The following ZNF490 variants were observed in gnomAD, a reference collection of about 807,000 sequenced individuals.
The protein encoded by ZNF490 is zinc finger protein 490.
In ZNF490, 11 loss-of-function variants were observed where a neutral mutation model predicts 17.7. That is an observed-to-expected ratio of 0.62 (90% CI 0.39 to 1.03). ZNF490 has a LOEUF of 1.03. ZNF490 is among the 50% of genes least tolerant of loss of function. The probability of loss-of-function intolerance (pLI) is 0.00; values close to 1 mark genes in which losing one functional copy is unlikely to be tolerated. For synonymous variants in ZNF490, 222 were observed against 216.1 expected, an observed-to-expected ratio of 1.03 and a Z score of -0.24; for missense variants, 542 against 643.4, an observed-to-expected ratio of 0.84 and a Z score of 1.71.
chr19:12,599,937 GCTTT>G (rs2022981584), intron 2 of ZNF490, among the ~76,000 whole-genome samples: 1 of 152,054 alleles, frequency 6.6e-6, no homozygotes, highest in Non-Finnish European at 1.5e-5. Context: ...AAGCACAACG[GCTTT>G]CTTTTAGAAC....
chr19:12,579,245 CAA>C lies in ZNF490; in HGVS notation c.*1238_*1239del, dbSNP rs756498357. ...TCCAGCCTGGGCAAGGACTCCGTCT[CAA>C]AAAAAAAAAAAAAGAACTGGGGGCC... On this transcript the variant is annotated 3_prime_UTR_variant, in exon 5 of 5. Transcript: ENST00000311437. 3.2e-4 allele frequency: 30 copies of C among 93,044 alleles called. No homozygotes were observed. Among genetic ancestry groups the C allele is most frequent in the Non-Finnish European group, 3.7e-4 (17 of 45,382 alleles). The allele number at this position is 93,044 out of a possible 1,614,324, so 5.8% of individuals were successfully genotyped here. A position where few individuals can be genotyped will look rare whatever the true frequency, so the allele number is the denominator to read the frequency against.
At chr19:12,591,769 TATC>T (rs774939465) in intron 2 of ZNF490, among the ~76,000 whole-genome samples, 1 of 151,194 alleles carries the variant, frequency 6.6e-6, no homozygotes. Flanking sequence ...GAACAATAAG[TATC>T]ATCATTATTT....
chr19:12,608,804 C>CT (rs1416025868), intron 2 of ZNF490, among the ~76,000 whole-genome samples: 2 of 152,064 alleles, frequency 1.3e-5, no homozygotes, highest in Admixed American at 6.6e-5. Context: ...GAGACAGAGT[C>CT]TCACTACATT....
At chr19:12,583,338 C>G in intron 3 of ZNF490, 92 bp downstream of exon 3, 1 of 1,431,646 alleles carries the variant, frequency 7.0e-7, no homozygotes, top group South Asian at 1.4e-5. Flanking sequence ...CGTGCCTGGC[C>G]CCTTCCCCCA....
At chr19:12,605,891 A>AT (rs1000369713) in intron 2 of ZNF490, among the ~76,000 whole-genome samples, 25 of 148,208 alleles carry the variant, frequency 1.7e-4, no homozygotes, top group East Asian at 3.9e-4. Flanking sequence ...TTTTAATTTA[A>AT]TTTTTTTTTT....
Position 12,578,533 on chromosome 19 carries a change from G to C in ZNF490, c.*1952C>G, listed in dbSNP as rs1280660587. The stretch of plus-strand genomic sequence containing the variant: ...AAGTGTAGGTTTGAGATGGGAAATG[G>C]AGCTGGAGATGACCTCAAAACAGCC... On this transcript the variant is annotated 3_prime_UTR_variant, in exon 5 of 5. Coordinates refer to ENST00000311437, the MANE Select transcript of ZNF490 (RefSeq NM_020714.3). 4.1e-6 allele frequency: 4 copies of C among 985,306 alleles called. No individual in the cohort carries two copies. The African/African-American group carries it at 7.0e-5, about 17-fold the overall frequency. The allele number at this position is 985,306 out of a possible 1,614,324, so 61.0% of individuals were successfully genotyped here.
intron 2 of ZNF490, among the ~76,000 whole-genome samples, chr19:12,605,467 T>C (rs1194014388): frequency 6.9e-6 from 1 of 144,728 alleles, no homozygotes; most frequent in Non-Finnish European, 1.5e-5. Flanking sequence ...GGAGACAGAG[T>C]GAAACCCTGC....
intron 2 of ZNF490, among the ~76,000 whole-genome samples, chr19:12,596,302 A>G (rs567015342): frequency 2.0e-5 from 3 of 151,052 alleles, no homozygotes; most frequent in African/African-American, 7.3e-5. Flanking sequence ...AAGGAATCCA[A>G]GGGAAAGAAA....
chr19:12,593,147 C>A (rs969304516), intron 2 of ZNF490, among the ~76,000 whole-genome samples: 3 of 152,012 alleles, frequency 2.0e-5, no homozygotes, highest in African/African-American at 4.8e-5. Context: ...AGTGTCCAGG[C>A]GGAGCCTTGG....
intron 2 of ZNF490, among the ~76,000 whole-genome samples, chr19:12,599,734 T>G (rs1429903954): frequency 6.6e-6 from 1 of 152,120 alleles, no homozygotes; most frequent in Non-Finnish European, 1.5e-5. Context: ...GGTAAAAAGA[T>G]TATAAGAAGG....
Position 12,576,904 on chromosome 19 carries a change from C to G in ZNF490, c.*3581G>C, listed in dbSNP as rs906446272. ...ACACACAGCCCTCTAGACAAATATA[C>G]AAAAATCACACACGTTATCACTGTA... On this transcript the variant is annotated 3_prime_UTR_variant, in exon 5 of 5. Transcript: ENST00000311437. Among the ~76,000 whole-genome samples the G allele has an allele frequency of 5.7e-5, 8 of 141,104 alleles. No homozygotes were observed. The highest frequency in any genetic ancestry group is 2.1e-4 in the African/African-American group (8 of 37,552). 92.6% of individuals were successfully genotyped at this position (141,104 alleles called of 152,430 possible). A position where few individuals can be genotyped will look rare whatever the true frequency, so the allele number is the denominator to read the frequency against.
chr19:12,583,656 C>A, intron 2 of ZNF490, 100 bp from the exon 3 acceptor site: 1 of 1,304,232 alleles, frequency 7.7e-7, no homozygotes, highest in Non-Finnish European at 1.0e-6. Context: ...ATCCTGTAGT[C>A]TCGGTTTAGT....
At position 12,577,569 on chromosome 19, in the gene ZNF490, G is replaced by A; in HGVS notation, c.*2916C>T. On this transcript the variant is annotated 3_prime_UTR_variant, in exon 5 of 5. Transcript: ENST00000311437. ...GAGAAGCGAAGGTGTGCATCTCCTG[G>A]CTCAGCCACCAGGTCCTCCACTGCA... The A allele has an allele frequency of 1.0e-6, 1 of 985,260 alleles. No homozygotes were observed. Among genetic ancestry groups the A allele is most frequent in the Non-Finnish European group, 1.2e-6 (1 of 829,908 alleles). The allele number at this position is 985,260 out of a possible 1,614,324, so 61.0% of individuals were successfully genotyped here.
At chr19:12,600,874 T>C (rs764305006) in intron 2 of ZNF490, among the ~76,000 whole-genome samples, 9 of 152,076 alleles carry the variant, frequency 5.9e-5, no homozygotes, top group Non-Finnish European at 1.2e-4. Flanking sequence ...GTGGATCACT[T>C]AAGCCCAGGA....
chr19:12,583,321 G>C (rs896131473), intron 3 of ZNF490, 109 bp downstream of exon 3: 3 of 1,323,078 alleles, frequency 2.3e-6, no homozygotes, highest in Non-Finnish European at 2.0e-6. Context: ...TTACAGGCGC[G>C]AGCCACCGTG....
chr19:12,590,862 T>C (rs2022861424), intron 2 of ZNF490, among the ~76,000 whole-genome samples: 1 of 150,774 alleles, frequency 6.6e-6, no homozygotes, highest in South Asian at 2.1e-4. Flanking sequence ...GTGGATCACT[T>C]CAGCCCAGGA....
In ZNF490 at chr19:12,578,222, A is replaced by T. The variant is rs1377164264; in HGVS notation, c.*2263T>A. The stretch of plus-strand genomic sequence containing the variant: ...CAGTGCATATGCCGCTGAATATCTC[A>T]GGGTAGAATGTGCCAGAAAACAGGG... On this transcript the variant is annotated 3_prime_UTR_variant, in exon 5 of 5. Transcript: ENST00000311437. The T allele has an allele frequency of 1.0e-6, 1 of 985,278 alleles. No homozygotes were observed. Among genetic ancestry groups the T allele is most frequent in the Non-Finnish European group, 1.2e-6 (1 of 829,880 alleles). 61.0% of individuals were successfully genotyped at this position (985,278 alleles called of 1,614,324 possible). A position where few individuals can be genotyped will look rare whatever the true frequency, so the allele number is the denominator to read the frequency against.
intron 2 of ZNF490, among the ~76,000 whole-genome samples, chr19:12,589,640 G>A (rs527779528): frequency 2.7e-5 from 4 of 147,470 alleles, no homozygotes; most frequent in Admixed American, 6.9e-5. Flanking sequence ...ATTCAGAGGC[G>A]CCGTCATAGT....
rs2145173441 is a variant in ZNF490, at chr19:12,610,713, G to A, written c.-33C>T. 6.3e-7 allele frequency: 1 copy of A among 1,597,324 alleles called. No individual in the cohort carries two copies. The highest frequency in any genetic ancestry group is 8.6e-7 in the Non-Finnish European group (1 of 1,166,918). On this transcript the variant is annotated 5_prime_UTR_variant, in exon 1 of 5. Coordinates refer to ENST00000311437, the MANE Select transcript of ZNF490 (RefSeq NM_020714.3). ...CCCGCATCCAGAAACACTGCAGGAA[G>A]ACTTCCGTGTCCGACCCGAGATCCG...
Sources: gnomAD v4.1 joint callset for allele counts (sites outside exome capture counted in the v4.1 genomes callset) on GRCh38, gnomAD v4.1.1 for gene constraint, MANE v1.5 for transcripts, NCBI Gene and HGNC (gene_info 2026-07-23, HGNC 2026-07-21) for gene names.